Variants in TG observed in about 807,000 individuals in gnomAD.
The protein encoded by TG is thyroid hormones.
Under a neutral mutation model 324.7 loss-of-function variants are expected in TG, and 270 were observed. That is an observed-to-expected ratio of 0.83 (90% CI 0.75 to 0.92). The LOEUF (loss-of-function observed/expected upper bound fraction) is 0.92, where lower values mean the gene tolerates loss of function less well. Among genes scored for constraint, TG ranks in the 40% least tolerant of loss-of-function variants. The pLI is 0.00. For synonymous variants in TG, 1,401 were observed against 1,327.0 expected, an observed-to-expected ratio of 1.06 and a Z score of -1.21; for missense variants, 3,591 against 3,456.4, an observed-to-expected ratio of 1.04 and a Z score of -0.98.
In TG at chr8:133,030,001, T is replaced by C. The variant is rs1197227251; in HGVS notation, c.7217T>C (p.Leu2406Pro). 1 of 1,614,180 alleles carries C rather than the reference T, an allele frequency of 6.2e-7. No homozygotes were observed. Among genetic ancestry groups the C allele is most frequent in the Non-Finnish European group, 8.5e-7 (1 of 1,180,032 alleles). Residue 2406 changes from leucine to proline, a missense_variant, in exon 41 of 48, where the codon CTT (leucine) becomes CCT (proline). Leu to Pro is a moderately conservative substitution (Grantham distance 98). Transcript: ENST00000220616. ...LLTARATNSQ[L>P]FRRAVLMGGS... ...ACGGCCAGGGCCACCAACTCCCAACTTTTCCGGAGAGCTGTGCTGATGGTA... is the reference window on the plus strand; with the variant it reads ...ACGGCCAGGGCCACCAACTCCCAACCTTTCCGGAGAGCTGTGCTGATGGTA...
chr8:133,013,189 T>C (rs555782723), intron 36 of TG, among the ~76,000 whole-genome samples: 71 of 152,374 alleles, frequency 4.7e-4, no homozygotes, highest in African/African-American at 1.6e-3. Flanking sequence ...GGGTTTCTCA[T>C]TGCTACCATT....
chr8:132,978,296 G>T (rs113767524), intron 34 of TG, among the ~76,000 whole-genome samples: 1 of 152,228 alleles, frequency 6.6e-6, no homozygotes, highest in African/African-American at 2.4e-5. Flanking sequence ...CTCATAGAGC[G>T]AGAATTCACT....
intron 35 of TG, among the ~76,000 whole-genome samples, chr8:133,011,034 T>C (rs1388015923): frequency 1.3e-5 from 2 of 152,212 alleles, no homozygotes; most frequent in African/African-American, 2.4e-5. Flanking sequence ...GCTGGGGTTT[T>C]CCGAGAAGCA....
In TG at chr8:133,116,642, G is replaced by T. The variant is rs774758173; in HGVS notation, c.7788G>T (p.Met2596Ile). Reference sequence around the variant, plus strand: ...TTATCATCTGCCCTATAATCGACATGGCCAGTGCCTGGGCAAAGAGGGCCC... The same window carrying T: ...TTATCATCTGCCCTATAATCGACATTGCCAGTGCCTGGGCAAAGAGGGCCC... ...DYFIICPIIDMASAWAKRARG... is the reference protein window; with the variant it reads ...DYFIICPIIDIASAWAKRARG... The change falls in exon 45 of 48, where the codon ATG (methionine) becomes ATT (isoleucine). Residue 2596 changes from methionine to isoleucine, a missense_variant. Coordinates refer to ENST00000220616, the MANE Select transcript of TG (RefSeq NM_003235.5). The T allele has an allele frequency of 6.2e-7, 1 of 1,614,224 alleles. No individual in the cohort carries two copies. Among genetic ancestry groups the T allele is most frequent in the South Asian group, 1.1e-5 (1 of 91,086 alleles).
intron 41 of TG, among the ~76,000 whole-genome samples, chr8:133,031,095 A>G (rs923383908): frequency 6.6e-6 from 1 of 152,138 alleles, no homozygotes; most frequent in Non-Finnish European, 1.5e-5. Context: ...CCAGAACAGA[A>G]CCTCTGTATC....
chr8:132,931,980 G>A (rs529175489), intron 23 of TG, among the ~76,000 whole-genome samples: 1 of 152,276 alleles, frequency 6.6e-6, no homozygotes, highest in South Asian at 2.1e-4. Flanking sequence ...TGTAATCCCA[G>A]CTACTTGAGA....
chr8:133,084,033 A>G (rs1425557360), intron 41 of TG, among the ~76,000 whole-genome samples: 3 of 152,110 alleles, frequency 2.0e-5, no homozygotes, highest in African/African-American at 7.2e-5. Context: ...TGTGCTCATG[A>G]GGCCATTCCC....
intron 41 of TG, among the ~76,000 whole-genome samples, chr8:133,071,657 G>A (rs1350076605): frequency 3.3e-5 from 5 of 152,018 alleles, no homozygotes; most frequent in Non-Finnish European, 7.4e-5. Context: ...GAGGAGTGGG[G>A]GGAGGAGGCG....
At chr8:133,048,756 C>T (rs1839913882) in intron 41 of TG, 1 of 160,808 alleles carries the variant, frequency 6.2e-6, no homozygotes, top group Admixed American at 6.0e-5. Context: ...CAGAACGTGA[C>T]TCCCACGGCA....
intron 35 of TG, among the ~76,000 whole-genome samples, chr8:132,984,138 C>T (rs867029097): frequency 2.6e-5 from 4 of 152,246 alleles, no homozygotes; most frequent in South Asian, 4.1e-4. Context: ...GGGCTCCACA[C>T]GCTGCTCAGC....
chr8:132,969,856 G>A (rs1829231703), intron 32 of TG, among the ~76,000 whole-genome samples: 1 of 141,310 alleles, frequency 7.1e-6, no homozygotes, highest in Non-Finnish European at 1.5e-5. Context: ...GGAGGTTGCA[G>A]TGAGCTGAGA....
chr8:133,129,669 G>A (rs1851801786), intron 45 of TG, among the ~76,000 whole-genome samples: 2 of 151,954 alleles, frequency 1.3e-5, no homozygotes, highest in South Asian at 4.2e-4. Flanking sequence ...GCTAATTTTT[G>A]TATTTTTTGT....
Position 133,007,419 on chromosome 8 carries a change from T to A in TG, c.6263-4482T>A, listed in dbSNP as rs377250902. On this transcript the variant is annotated intron_variant, in intron 35 of 47. Coordinates refer to ENST00000220616, the MANE Select transcript of TG (RefSeq NM_003235.5). ...AAGGCTTTTTTTGTGCCCGTTAAAG[T>A]CTTTAATTTTTCTTGGGCCAGATAT... Among the ~76,000 whole-genome samples, 115 of 152,250 alleles carry A rather than the reference T, an allele frequency of 7.6e-4. 1 individual carries two copies. Among genetic ancestry groups the A allele is most frequent in the African/African-American group, 2.7e-3 (113 of 41,548 alleles).
intron 40 of TG, 138 bp downstream of exon 40, chr8:133,022,288 G>A (rs1835638249): frequency 1.7e-6 from 2 of 1,145,522 alleles, no homozygotes; most frequent in African/African-American, 1.5e-5. Context: ...AGCACATATG[G>A]GAGACCCTCC....
intron 35 of TG, among the ~76,000 whole-genome samples, chr8:133,004,519 C>G (rs147359232): frequency 2.6e-5 from 4 of 152,138 alleles, no homozygotes; most frequent in South Asian, 4.1e-4. Flanking sequence ...GGGGGAGTAT[C>G]CTGTGGTCTT....
chr8:133,104,761 G>A (rs886291328), intron 43 of TG, among the ~76,000 whole-genome samples: 3 of 152,146 alleles, frequency 2.0e-5, no homozygotes, highest in African/African-American at 7.2e-5. Context: ...ATTGGAATAG[G>A]CTGGGGGAAG....
intron 23 of TG, among the ~76,000 whole-genome samples, chr8:132,930,454 G>A (rs565602006): frequency 1.3e-5 from 2 of 152,280 alleles, no homozygotes; most frequent in South Asian, 4.1e-4. Flanking sequence ...CTGAGCGGGG[G>A]TGGATCACCT....
chr8:133,044,962 C>T (rs1276137781), intron 41 of TG: 1 of 1,613,512 alleles, frequency 6.2e-7, no homozygotes, highest in African/African-American at 1.3e-5. Context: ...ATCACAATCA[C>T]TCCATATTGT....
At chr8:132,987,737 CGT>C (rs913639795) in intron 35 of TG, among the ~76,000 whole-genome samples, 2 of 100,276 alleles carry the variant, frequency 2.0e-5, no homozygotes, top group East Asian at 2.3e-4. Context: ...TGTGTGTGTG[CGT>C]GTGTGTGTGT....
Sources: gnomAD v4.1 joint callset for allele counts (sites outside exome capture counted in the v4.1 genomes callset) on GRCh38, gnomAD v4.1.1 for gene constraint, MANE v1.5 for transcripts, NCBI Gene and HGNC (gene_info 2026-07-23, HGNC 2026-07-21) for gene names.